Variants in IL17RD observed in about 807,000 individuals in gnomAD.
The protein encoded by IL17RD is interleukin 17 receptor D.
Under a neutral mutation model 80.5 loss-of-function variants are expected in IL17RD, and 52 were observed. That is an observed-to-expected ratio of 0.65 (90% CI 0.52 to 0.81). The LOEUF (loss-of-function observed/expected upper bound fraction) is 0.81, where lower values mean the gene tolerates loss of function less well. Ranked by LOEUF, IL17RD falls within the 40% of genes least tolerant of loss-of-function variation. IL17RD has a pLI of 0.00. For synonymous variants in IL17RD, 416 were observed against 391.8 expected (o/e 1.06, Z -0.73); for missense variants, 1,024 against 955.1 (o/e 1.07, Z -0.95).
At chr3:57,150,912 C>T (rs1243199078) in intron 1 of IL17RD, among the ~76,000 whole-genome samples, 2 of 152,188 alleles carry the variant, frequency 1.3e-5, no homozygotes, top group Non-Finnish European at 2.9e-5. Flanking sequence ...CTCTGGCTTG[C>T]TCCTGCTCTG....
Position 57,114,756 on chromosome 3 carries a change from G to A in IL17RD, c.246C>T (p.Thr82=). The A allele has an allele frequency of 1.2e-6, 2 of 1,612,480 alleles. No homozygotes were observed. The highest frequency in any genetic ancestry group is 1.1e-5 in the South Asian group (1 of 90,768). The change falls in exon 3 of 13, where the codon ACC becomes ACT. Residue 82 remains threonine, a synonymous_variant. Coordinates refer to ENST00000296318, the MANE Select transcript of IL17RD (RefSeq NM_017563.5). ...KHVIADAQNI[T]ISQYACHDQV... The stretch of plus-strand genomic sequence containing the variant: ...GGTCATGGCAAGCATACTGGCTGAT[G>A]GTGATATTCTGGGCGTCAGCAATCA...
chr3:57,104,385 C>A lies in IL17RD; in HGVS notation c.770G>T (p.Ser257Ile). 1 of 1,609,920 alleles carries A rather than the reference C, an allele frequency of 6.2e-7. No individual in the cohort carries two copies. The change falls in exon 8 of 13, where the codon AGC (serine) becomes ATC (isoleucine). Residue 257 changes from serine to isoleucine, a missense_variant. Ser to Ile is a moderately radical substitution (Grantham distance 142, BLOSUM62 -2). Coordinates refer to ENST00000296318, the MANE Select transcript of IL17RD (RefSeq NM_017563.5). ...CKQEQTTETTSCLLQNVSPGD... is the reference protein window; with the variant it reads ...CKQEQTTETTICLLQNVSPGD... ...TGGAGAAACATTTTGAAGGAGGCAG[C>A]TGGTCGTCTCTGTAGTTTGCTCCTG...
intron 1 of IL17RD, among the ~76,000 whole-genome samples, chr3:57,154,226 G>A (rs1227090052): frequency 6.7e-6 from 1 of 149,850 alleles, no homozygotes; most frequent in Non-Finnish European, 1.5e-5. Context: ...TTCGGCCTGA[G>A]TGACAGAGTG....
chr3:57,166,712 C>T (rs2060350053), upstream of IL17RD, among the ~76,000 whole-genome samples: 1 of 152,212 alleles, frequency 6.6e-6, no homozygotes, highest in African/African-American at 2.4e-5. Context: ...TACCACCTGG[C>T]TCCTGCTGCA....
In IL17RD at chr3:57,105,960, T is replaced by C; in HGVS notation, c.644A>G (p.Gln215Arg). 2 of 1,613,892 alleles carry C rather than the reference T, an allele frequency of 1.2e-6. No homozygotes were observed. The highest frequency in any genetic ancestry group is 1.7e-6 in the Non-Finnish European group (2 of 1,179,784). The change falls in exon 7 of 13, where the codon CAG (glutamine) becomes CGG (arginine). Residue 215 changes from glutamine to arginine, a missense_variant. Coordinates refer to ENST00000296318, the MANE Select transcript of IL17RD (RefSeq NM_017563.5). Reference protein sequence around the residue: ...LNISQHGSDMQVSFDHAPHNF... With the variant: ...LNISQHGSDMRVSFDHAPHNF... ...GTGCGGTGCATGGTCGAAGGACACC[T>C]GCATGTCCGAGCCATGCTGGCTGAT...
chr3:57,121,485 A>AC (rs1211546056), intron 1 of IL17RD, among the ~76,000 whole-genome samples: 3 of 151,490 alleles, frequency 2.0e-5, no homozygotes, highest in African/African-American at 7.3e-5. Context: ...CACACCACCC[A>AC]CCCCCCACTC....
At chr3:57,123,465 C>A (rs988366712) in intron 1 of IL17RD, among the ~76,000 whole-genome samples, 1 of 152,196 alleles carries the variant, frequency 6.6e-6, no homozygotes, top group Non-Finnish European at 1.5e-5. Flanking sequence ...TCAGAATCCC[C>A]TCCTCTTCTC....
At chr3:57,130,877 C>T (rs1361391503) in intron 1 of IL17RD, among the ~76,000 whole-genome samples, 1 of 152,202 alleles carries the variant, frequency 6.6e-6, no homozygotes, top group African/African-American at 2.4e-5. Context: ...TCAGCAGTGC[C>T]GGCTCCAGGT....
upstream of IL17RD, among the ~76,000 whole-genome samples, chr3:57,169,650 A>T (rs2060361400): frequency 1.3e-5 from 2 of 152,194 alleles, no homozygotes. Context: ...AGTCGGCCCA[A>T]ATTCTAATTT....
chr3:57,124,938 G>T (rs1559475788), intron 1 of IL17RD, among the ~76,000 whole-genome samples: 2 of 152,118 alleles, frequency 1.3e-5, no homozygotes. Flanking sequence ...CAGAGCTGCC[G>T]CTTGAGATTC....
chr3:57,170,019 T>C (rs2060362562), upstream of IL17RD, among the ~76,000 whole-genome samples: 1 of 152,178 alleles, frequency 6.6e-6, no homozygotes, highest in South Asian at 2.1e-4. Context: ...TGGGACCGCC[T>C]TGCCTGGGAC....
chr3:57,168,317 C>T (rs879301925), upstream of IL17RD, among the ~76,000 whole-genome samples: 4 of 152,230 alleles, frequency 2.6e-5, no homozygotes, highest in Non-Finnish European at 4.4e-5. Context: ...TCTGTCTGCA[C>T]ACCCACCCAC....
At chr3:57,130,542 G>A (rs1311768305) in intron 1 of IL17RD, among the ~76,000 whole-genome samples, 7 of 152,122 alleles carry the variant, frequency 4.6e-5, no homozygotes, top group African/African-American at 1.7e-4. Context: ...GCCTCTCTCT[G>A]CAAGGTCTGG....
At chr3:57,121,877 C>A (rs530666531) in intron 1 of IL17RD, among the ~76,000 whole-genome samples, 2 of 152,062 alleles carry the variant, frequency 1.3e-5, no homozygotes, top group Admixed American at 1.3e-4. Context: ...TCTTATAAGC[C>A]CCCAAGACAT....
chr3:57,124,798 A>AT (rs1707414812), intron 1 of IL17RD, among the ~76,000 whole-genome samples: 1 of 152,194 alleles, frequency 6.6e-6, no homozygotes, highest in Non-Finnish European at 1.5e-5. Flanking sequence ...TATGGATAAA[A>AT]TAGACCTCCA....
rs1193340836 is a variant in IL17RD, at chr3:57,114,833, A to G, written c.185-16T>C. 2 of 1,532,808 alleles carry G rather than the reference A, an allele frequency of 1.3e-6. No individual in the cohort carries two copies. Among genetic ancestry groups the G allele is most frequent in the Non-Finnish European group, 1.8e-6 (2 of 1,140,258 alleles). 95.0% of individuals were successfully genotyped at this position (1,532,808 alleles called of 1,614,324 possible). On this transcript the variant is annotated splice_polypyrimidine_tract_variant and intron_variant, in intron 2 of 12. Coordinates refer to ENST00000296318, the MANE Select transcript of IL17RD (RefSeq NM_017563.5). ...GTGGTACAATCTAGAGAGTAGGGAG[A>G]ATGAGAACAGTTAAATTTAAAATTT...
At chr3:57,103,247 T>C (rs1370835085) in intron 8 of IL17RD, 102 bp from the exon 9 acceptor site, 16 of 1,006,748 alleles carry the variant, frequency 1.6e-5, no homozygotes, top group Non-Finnish European at 2.1e-5. Flanking sequence ...CAGTGGGCAG[T>C]GCGGGAAGGG....
intron 12 of IL17RD, 59 bp downstream of exon 12, chr3:57,097,537 T>C (rs761969731): frequency 8.1e-6 from 11 of 1,362,948 alleles, no homozygotes; most frequent in Non-Finnish European, 1.1e-5. Context: ...CTTTGACTGA[T>C]TTCAGAAGCA....
At chr3:57,146,781 A>T (rs1264531305) in intron 1 of IL17RD, among the ~76,000 whole-genome samples, 2 of 146,828 alleles carry the variant, frequency 1.4e-5, no homozygotes, top group African/African-American at 2.5e-5. Context: ...AAAAAAAATT[A>T]TATAAACGTC....
Sources: gnomAD v4.1 joint callset for allele counts (sites outside exome capture counted in the v4.1 genomes callset) on GRCh38, gnomAD v4.1.1 for gene constraint, MANE v1.5 for transcripts, NCBI Gene and HGNC (gene_info 2026-07-23, HGNC 2026-07-21) for gene names.